PTPRN2: variants seen among roughly 807,000 people sequenced by gnomAD.
PTPRN2 encodes the protein receptor-type tyrosine-protein phosphatase N2.
PTPRN2 carries 74 observed loss-of-function variants against 118.8 expected under a neutral mutation model. The observed-to-expected ratio is 0.62, with a 90% CI of 0.52 to 0.76. The LOEUF is 0.76. Ranked by LOEUF, PTPRN2 falls within the 30% of genes least tolerant of loss-of-function variation. PTPRN2 has a pLI of 0.00. For synonymous variants in PTPRN2, 641 were observed against 608.0 expected (o/e 1.05, Z -0.80); for missense variants, 1,481 against 1,394.4 (o/e 1.06, Z -0.99).
chr7:157,917,461 G>C (rs538327817), intron 11 of PTPRN2, among the ~76,000 whole-genome samples: 1 of 152,342 alleles, frequency 6.6e-6, no homozygotes, highest in African/African-American at 2.4e-5. Flanking sequence ...CGGGTCTCCT[G>C]TGGATTCTGC....
Position 158,106,402 on chromosome 7 carries a change from G to A in PTPRN2, c.1643+4427C>T, listed in dbSNP as rs145409239. ...ACCTCTGCTCCCTCCCAGCTCCAGCGCAGTTTCCTCCAAAGCTCCACCATC... is the reference window on the plus strand; with the variant it reads ...ACCTCTGCTCCCTCCCAGCTCCAGCACAGTTTCCTCCAAAGCTCCACCATC... On this transcript the variant is annotated intron_variant, in intron 10 of 22. Transcript: ENST00000389418. Among the ~76,000 whole-genome samples the A allele has an allele frequency of 1.1e-4, 16 of 152,146 alleles. No homozygotes were observed. The South Asian group carries it at 2.1e-3, about 20-fold the overall frequency.
intron 11 of PTPRN2, among the ~76,000 whole-genome samples, chr7:157,965,587 C>T (rs1377359597): frequency 1.3e-5 from 2 of 152,234 alleles, no homozygotes; most frequent in African/African-American, 4.8e-5. Context: ...TCCCCAGTCA[C>T]CCCTCAGGCC....
At chr7:157,643,443 C>G (rs1379775157) in intron 14 of PTPRN2, among the ~76,000 whole-genome samples, 1 of 152,246 alleles carries the variant, frequency 6.6e-6, no homozygotes, top group Non-Finnish European at 1.5e-5. Context: ...GGAAGGGACA[C>G]TCTCTGCCTG....
At chr7:157,776,843 C>T (rs1445557834) in intron 12 of PTPRN2, among the ~76,000 whole-genome samples, 5 of 117,596 alleles carry the variant, frequency 4.3e-5, no homozygotes, top group East Asian at 2.7e-4. Context: ...TCTCTTCCTC[C>T]TCCCTCTCCT....
chr7:158,415,071 CTGA>C (rs1814542956), intron 2 of PTPRN2, among the ~76,000 whole-genome samples: 1 of 151,556 alleles, frequency 6.6e-6, no homozygotes, highest in African/African-American at 2.4e-5. Context: ...AGCTACTTCT[CTGA>C]TGATACAACC....
intron 2 of PTPRN2, among the ~76,000 whole-genome samples, chr7:158,325,734 C>T (rs1285667327): frequency 6.6e-6 from 1 of 152,166 alleles, no homozygotes; most frequent in Non-Finnish European, 1.5e-5. Flanking sequence ...AACCACCGGG[C>T]AGGCAGAACC....
At chr7:157,776,225 C>G (rs1401971798) in intron 12 of PTPRN2, among the ~76,000 whole-genome samples, 1 of 140,564 alleles carries the variant, frequency 7.1e-6, no homozygotes, top group Non-Finnish European at 1.6e-5. Flanking sequence ...TCCTCCTCCT[C>G]CTTCTCATCT....
chr7:158,572,627 C>T (rs1828107141), intron 1 of PTPRN2, among the ~76,000 whole-genome samples: 3 of 152,302 alleles, frequency 2.0e-5, no homozygotes, highest in Admixed American at 6.5e-5. Context: ...TGCCACATCC[C>T]TACCCTTCTC....
At chr7:158,179,693 A>G (rs765804295) in intron 5 of PTPRN2, among the ~76,000 whole-genome samples, 18 of 152,116 alleles carry the variant, frequency 1.2e-4, no homozygotes, top group Non-Finnish European at 2.2e-4. Flanking sequence ...AGGAGGCAGG[A>G]CTCAACTTCA....
chr7:157,543,077 C>T (rs1798091544), intron 22 of PTPRN2, among the ~76,000 whole-genome samples: 1 of 152,160 alleles, frequency 6.6e-6, no homozygotes, highest in Admixed American at 6.5e-5. Context: ...GCTGGGAAAA[C>T]CCCAGCATTT....
intron 2 of PTPRN2, among the ~76,000 whole-genome samples, chr7:158,460,857 AT>A (rs977914286): frequency 6.6e-6 from 1 of 152,270 alleles, no homozygotes; most frequent in African/African-American, 2.4e-5. Context: ...ACAAGAACAG[AT>A]AGTAGTTCCA....
intron 4 of PTPRN2, among the ~76,000 whole-genome samples, chr7:158,193,905 CAA>C (rs56234740): frequency 0.035 from 4,278 of 123,820 alleles, 169 homozygotes; most frequent in East Asian, 0.19. Flanking sequence ...GGCTCTGTCT[CAA>C]AAAAAAAAAA....
intron 3 of PTPRN2, among the ~76,000 whole-genome samples, chr7:158,255,593 GTGAGGGGTGT>G (rs58679358): frequency 0.59 from 89,991 of 151,580 alleles, 26,987 homozygotes; most frequent in Non-Finnish European, 0.64. Flanking sequence ...TTTTTGTGGA[GTGAGGGGTGT>G]TGAGCCCTCT....
rs377159419 is a variant in PTPRN2, at chr7:158,314,427, C to T, written c.277+2392G>A. 2.5e-4 allele frequency among the ~76,000 whole-genome samples: 38 copies of T among 152,378 alleles called. No individual in the cohort carries two copies. The East Asian group carries it at 6.9e-3, about 28-fold the overall frequency. ...AACCTTCCTTCAATATGGCTCGCTC[C>T]ATGTTTGTCCCTGCGTGGGCAGCAT... On this transcript the variant is annotated intron_variant, in intron 3 of 22. Transcript: ENST00000389418.
At chr7:158,547,973 C>T (rs976270340) in intron 1 of PTPRN2, among the ~76,000 whole-genome samples, 4 of 152,348 alleles carry the variant, frequency 2.6e-5, no homozygotes, top group South Asian at 4.1e-4. Flanking sequence ...TCACCCACTC[C>T]GACCCACAGG....
intron 2 of PTPRN2, among the ~76,000 whole-genome samples, chr7:158,352,258 A>T (rs896547107): frequency 3.1e-5 from 1 of 32,682 alleles, no homozygotes; most frequent in Non-Finnish European, 5.7e-5. Context: ...TCCCCTCCTG[A>T]CTGCTCCCCT....
chr7:158,144,754 CTG>C lies in PTPRN2; in HGVS notation c.911-6241_911-6240del, dbSNP rs140544416. On this transcript the variant is annotated intron_variant, in intron 6 of 22. Transcript: ENST00000389418. ...CCACCCCGAGGGAAGAGGCTGCGGT[CTG>C]TGTTTCTAACAGCAAACACCGTCAC... 6.5e-3 allele frequency among the ~76,000 whole-genome samples: 987 copies of C among 152,338 alleles called. 7 individuals are homozygous for C. Among genetic ancestry groups the C allele is most frequent in the Non-Finnish European group, 9.4e-3 (639 of 68,028 alleles).
At chr7:158,568,846 C>G (rs531808638) in intron 1 of PTPRN2, among the ~76,000 whole-genome samples, 1 of 152,172 alleles carries the variant, frequency 6.6e-6, no homozygotes, top group South Asian at 2.1e-4. Context: ...AAAAATATTC[C>G]TCCAGGCACA....
chr7:157,789,290 G>A (rs780718533), intron 12 of PTPRN2, among the ~76,000 whole-genome samples: 5 of 152,170 alleles, frequency 3.3e-5, no homozygotes, highest in Non-Finnish European at 7.3e-5. Context: ...CTCCCCGCCC[G>A]GTGCCGCTGG....
Sources: allele counts gnomAD v4.1 joint callset (sites outside exome capture counted in the v4.1 genomes callset), GRCh38; gene constraint gnomAD v4.1.1; transcripts MANE v1.5; gene names NCBI Gene and HGNC (gene_info 2026-07-23, HGNC 2026-07-21).